Variants in MAGI2 observed in about 807,000 individuals in gnomAD.
MAGI2 encodes membrane-associated guanylate kinase, WW and PDZ domain-containing protein 2.
Under a neutral mutation model 133.3 loss-of-function variants are expected in MAGI2, and 35 were observed. The observed-to-expected ratio is 0.26, with a 90% CI of 0.20 to 0.35. MAGI2 has a LOEUF of 0.35. Among genes scored for constraint, MAGI2 ranks in the 10% least tolerant of loss-of-function variants. MAGI2 has a pLI of 1.00. For missense variants in MAGI2, 1,636 were observed against 1,863.4 expected, an observed-to-expected ratio of 0.88 and a Z score of 2.25; for synonymous variants, 729 against 710.6, an observed-to-expected ratio of 1.03 and a Z score of -0.41.
intron 1 of MAGI2, among the ~76,000 whole-genome samples, chr7:79,091,001 T>TC (rs1019381380): frequency 7.9e-5 from 12 of 151,718 alleles, no homozygotes; most frequent in Admixed American, 5.9e-4. Flanking sequence ...AGCCTTTTTT[T>TC]TTCCTTTATA....
chr7:78,311,898 G>A (rs1365548472), intron 9 of MAGI2, among the ~76,000 whole-genome samples: 1 of 151,748 alleles, frequency 6.6e-6, no homozygotes, highest in Non-Finnish European at 1.5e-5. Context: ...AGCCTCCCTA[G>A]TAGCTGGGAT....
At chr7:78,526,258 G>GC (rs1796942033) in intron 3 of MAGI2, among the ~76,000 whole-genome samples, 1 of 152,150 alleles carries the variant, frequency 6.6e-6, no homozygotes, top group South Asian at 2.1e-4. Context: ...GAACACAAAT[G>GC]CATCAGTTTC....
intron 1 of MAGI2, among the ~76,000 whole-genome samples, chr7:79,210,469 G>C (rs903786304): frequency 2.6e-5 from 4 of 152,024 alleles, no homozygotes; most frequent in African/African-American, 9.7e-5. Context: ...TAAAAAATAT[G>C]TGTGATTTTA....
At position 78,111,316 on chromosome 7, in the gene MAGI2, C is replaced by T. The variant is rs543919180; in HGVS notation, c.3567+14378G>A. ...TCTTTTCCATAGGCACCGGCCCCCA[C>T]CATGAATAATTAAAATCAAAGACTC... On this transcript the variant is annotated intron_variant, in intron 20 of 21. Coordinates refer to ENST00000354212, the MANE Select transcript of MAGI2 (RefSeq NM_012301.4). Among the ~76,000 whole-genome samples, 28 of 152,312 alleles carry T rather than the reference C, an allele frequency of 1.8e-4. 1 individual carries two copies. In the South Asian group the frequency reaches 5.8e-3, roughly 32 times the overall value.
At chr7:78,147,889 T>G (rs1050913695) in intron 16 of MAGI2, among the ~76,000 whole-genome samples, 1 of 151,844 alleles carries the variant, frequency 6.6e-6, no homozygotes, top group Non-Finnish European at 1.5e-5. Context: ...CCTATTGGAA[T>G]GGCTAAACAT....
chr7:78,567,539 A>G lies in MAGI2; in HGVS notation c.539-45894T>C, dbSNP rs535894188. Among the ~76,000 whole-genome samples the G allele has an allele frequency of 4.6e-5, 7 of 152,312 alleles. No individual in the cohort carries two copies. The East Asian group carries it at 5.8e-4, about 13-fold the overall frequency. Reference sequence around the variant, plus strand: ...AGGATACATAGATGTAGAGGAAAAGAAATCAGAGAAAACCAATCCTTTAAT... The same window carrying G: ...AGGATACATAGATGTAGAGGAAAAGGAATCAGAGAAAACCAATCCTTTAAT... On this transcript the variant is annotated intron_variant, in intron 3 of 21. Coordinates refer to ENST00000354212, the MANE Select transcript of MAGI2 (RefSeq NM_012301.4).
At chr7:78,375,971 G>T (rs893341490) in intron 6 of MAGI2, among the ~76,000 whole-genome samples, 2 of 152,010 alleles carry the variant, frequency 1.3e-5, no homozygotes, top group Non-Finnish European at 2.9e-5. Context: ...CTAACAAAAG[G>T]TATTATATCT....
intron 4 of MAGI2, among the ~76,000 whole-genome samples, chr7:78,504,309 TG>T (rs1226843542): frequency 3.3e-5 from 5 of 151,824 alleles, no homozygotes; most frequent in Non-Finnish European, 7.4e-5. Context: ...AATTGTATAA[TG>T]GGGATATTTT....
At chr7:78,997,358 C>T (rs1458512916) in intron 2 of MAGI2, among the ~76,000 whole-genome samples, 1 of 152,036 alleles carries the variant, frequency 6.6e-6, no homozygotes, top group Non-Finnish European at 1.5e-5. Flanking sequence ...AATCCCAGCA[C>T]TTTGGGAGGC....
intron 2 of MAGI2, among the ~76,000 whole-genome samples, chr7:78,777,472 T>A (rs1004279866): frequency 2.6e-5 from 4 of 152,094 alleles, no homozygotes; most frequent in African/African-American, 7.2e-5. Context: ...ACTGTCACCA[T>A]CAATATCATC....
intron 2 of MAGI2, among the ~76,000 whole-genome samples, chr7:78,641,028 T>A (rs1271842346): frequency 6.6e-6 from 1 of 152,118 alleles, no homozygotes; most frequent in Non-Finnish European, 1.5e-5. Context: ...ATCTGATGGT[T>A]TTATAAGATG....
At chr7:79,196,419 A>G (rs1047752272) in intron 1 of MAGI2, among the ~76,000 whole-genome samples, 2 of 151,974 alleles carry the variant, frequency 1.3e-5, no homozygotes, top group East Asian at 3.9e-4. Flanking sequence ...TTTAGTATTC[A>G]CCTGCTATAT....
chr7:79,424,913 A>T (rs1203989560), intron 1 of MAGI2, among the ~76,000 whole-genome samples: 1 of 151,988 alleles, frequency 6.6e-6, no homozygotes, highest in Non-Finnish European at 1.5e-5. Context: ...AGAGTTTTTA[A>T]TTTTTTAAGC....
At chr7:79,046,928 C>A (rs1210805902) in intron 1 of MAGI2, among the ~76,000 whole-genome samples, 1 of 152,166 alleles carries the variant, frequency 6.6e-6, no homozygotes, top group East Asian at 1.9e-4. Flanking sequence ...TCATGAAATG[C>A]AGCTGAGGTC....
At chr7:79,148,018 C>T (rs182129694) in intron 1 of MAGI2, among the ~76,000 whole-genome samples, 1 of 152,270 alleles carries the variant, frequency 6.6e-6, no homozygotes, top group Non-Finnish European at 1.5e-5. Context: ...GGAATGGAGG[C>T]TTTCTGGAGC....
intron 18 of MAGI2, among the ~76,000 whole-genome samples, chr7:78,127,808 C>T (rs1821147578): frequency 6.6e-6 from 1 of 152,190 alleles, no homozygotes; most frequent in Non-Finnish European, 1.5e-5. Flanking sequence ...CAACCTTCCT[C>T]TCTCACTCTT....
intron 2 of MAGI2, among the ~76,000 whole-genome samples, chr7:78,785,451 C>T (rs2151353339): frequency 6.6e-6 from 1 of 152,264 alleles, no homozygotes; most frequent in African/African-American, 2.4e-5. Flanking sequence ...CTGTTAAAAG[C>T]TTTGTAAAAT....
intron 2 of MAGI2, among the ~76,000 whole-genome samples, chr7:78,805,020 A>T (rs1248279585): frequency 6.6e-6 from 1 of 151,744 alleles, no homozygotes; most frequent in Non-Finnish European, 1.5e-5. Flanking sequence ...GCGAGCCAAG[A>T]TCACATCATT....
At chr7:78,220,262 C>T (rs958072145) in intron 10 of MAGI2, among the ~76,000 whole-genome samples, 23 of 152,168 alleles carry the variant, frequency 1.5e-4, no homozygotes, top group African/African-American at 4.1e-4. Flanking sequence ...CTTTATAATT[C>T]TTATCTCATG....
Sources: gnomAD v4.1 joint callset for allele counts (sites outside exome capture counted in the v4.1 genomes callset) on GRCh38, gnomAD v4.1.1 for gene constraint, MANE v1.5 for transcripts, NCBI Gene and HGNC (gene_info 2026-07-23, HGNC 2026-07-21) for gene names.